The following KCMF1 variants were observed in gnomAD, a reference collection of about 807,000 sequenced individuals.
KCMF1 encodes E3 ubiquitin-protein ligase KCMF1.
Under a neutral mutation model 41.1 loss-of-function variants are expected in KCMF1, and 3 were observed. The observed-to-expected ratio is 0.07, with a 90% CI of 0.03 to 0.19. The LOEUF (loss-of-function observed/expected upper bound fraction) is 0.19. Ranked by LOEUF, KCMF1 falls within the 10% of genes least tolerant of loss-of-function variation. The pLI, the probability that KCMF1 is intolerant of heterozygous loss-of-function variation, is 1.00. For missense variants in KCMF1, 286 were observed against 488.9 expected, an observed-to-expected ratio of 0.58 and a Z score of 3.91; for synonymous variants, 142 against 164.5, an observed-to-expected ratio of 0.86 and a Z score of 1.04.
intron 1 of KCMF1, among the ~76,000 whole-genome samples, chr2:85,025,732 C>T (rs1036346799): frequency 6.6e-6 from 1 of 151,996 alleles, no homozygotes; most frequent in African/African-American, 2.4e-5. Flanking sequence ...CCTCAGCCAC[C>T]CGAGTAGCTG....
At chr2:85,024,603 T>TGC (rs1374122141) in intron 1 of KCMF1, among the ~76,000 whole-genome samples, 12 of 151,858 alleles carry the variant, frequency 7.9e-5, no homozygotes, top group African/African-American at 2.9e-4. Context: ...TGTGTGTGTG[T>TGC]GTGCGCGTGT....
At chr2:85,010,296 C>T (rs1329638059) in intron 1 of KCMF1, among the ~76,000 whole-genome samples, 1 of 152,092 alleles carries the variant, frequency 6.6e-6, no homozygotes, top group African/African-American at 2.4e-5. Flanking sequence ...TAGTGAAACC[C>T]CGTCTCTGCT....
Position 85,034,161 on chromosome 2 carries a change from C to T in KCMF1, c.185-855C>T, listed in dbSNP as rs1477853286. On this transcript the variant is annotated intron_variant, in intron 2 of 6. Coordinates refer to ENST00000409785, the MANE Select transcript of KCMF1 (RefSeq NM_020122.5). ...GTGAGCTGTGATCATCCAGCCTGTG[C>T]GACAGAGTAAGACCTTGTCTCAAAA... Among the ~76,000 whole-genome samples the T allele has an allele frequency of 7.2e-5, 11 of 151,998 alleles. No homozygotes were observed. In the East Asian group the frequency reaches 9.6e-4, roughly 13 times the overall value.
intron 1 of KCMF1, among the ~76,000 whole-genome samples, chr2:85,023,130 G>A (rs1466735952): frequency 3.3e-5 from 5 of 151,458 alleles, no homozygotes; most frequent in Non-Finnish European, 5.9e-5. Flanking sequence ...CTCATGAGCC[G>A]CCCGCCTCGG....
chr2:85,018,009 A>G (rs1301296959), intron 1 of KCMF1, among the ~76,000 whole-genome samples: 2 of 152,192 alleles, frequency 1.3e-5, no homozygotes, highest in Non-Finnish European at 2.9e-5. Flanking sequence ...GATAATATGA[A>G]TGTGTTCAGA....
At chr2:85,034,000 T>C (rs553294800) in intron 2 of KCMF1, among the ~76,000 whole-genome samples, 2 of 149,310 alleles carry the variant, frequency 1.3e-5, no homozygotes, top group Non-Finnish European at 3.0e-5. Flanking sequence ...CTAGGCAACA[T>C]GGTGGGACCC....
At chr2:85,032,325 C>T (rs919329080) in intron 2 of KCMF1, among the ~76,000 whole-genome samples, 6 of 151,902 alleles carry the variant, frequency 3.9e-5, no homozygotes, top group Non-Finnish European at 7.4e-5. Flanking sequence ...GCATGCACCA[C>T]GATGTCTGGC....
intron 1 of KCMF1, among the ~76,000 whole-genome samples, chr2:84,990,560 A>G (rs927432608): frequency 2.0e-5 from 3 of 152,074 alleles, no homozygotes; most frequent in Non-Finnish European, 4.4e-5. Flanking sequence ...TGTAATCTCA[A>G]TACTTTGGGA....
In KCMF1 at chr2:85,007,061, A is replaced by G. The variant is rs536672810; in HGVS notation, c.17-20828A>G. 3.1e-3 allele frequency among the ~76,000 whole-genome samples: 462 copies of G among 148,376 alleles called. 1 individual carries two copies. The highest frequency in any genetic ancestry group is 0.011 in the African/African-American group (424 of 39,990). On this transcript the variant is annotated intron_variant, in intron 1 of 6. Transcript: ENST00000409785. ...GGTTGCAGTGAGTCGAGATCGCACCACTGCACTCCAGCCTGGGCAACAAGA... is the reference window on the plus strand; with the variant it reads ...GGTTGCAGTGAGTCGAGATCGCACCGCTGCACTCCAGCCTGGGCAACAAGA...
chr2:85,026,352 G>A (rs768522792), intron 1 of KCMF1, among the ~76,000 whole-genome samples: 10 of 151,284 alleles, frequency 6.6e-5, no homozygotes, highest in Admixed American at 2.0e-4. Flanking sequence ...GCCTTGGCTG[G>A]TCTTGAACTC....
rs1673386488 is a variant in KCMF1 at position 84,971,338 on chromosome 2, C to T, written c.-114C>T. The T allele has an allele frequency of 1.8e-6, 1 of 545,712 alleles. No homozygotes were observed. The highest frequency in any genetic ancestry group is 2.4e-6 in the Non-Finnish European group (1 of 422,324). 33.8% of individuals were successfully genotyped at this position (545,712 alleles called of 1,614,324 possible). A position where few individuals can be genotyped will look rare whatever the true frequency, so the allele number is the denominator to read the frequency against. On this transcript the variant is annotated 5_prime_UTR_variant, in exon 1 of 7. Coordinates refer to ENST00000409785, the MANE Select transcript of KCMF1 (RefSeq NM_020122.5). ...CCCCTGCCCACCCCGCCCCCGCGGC[C>T]GAGCCCGGGAGTCGAGTGGGAGTCG...
chr2:84,981,760 A>C (rs186732330), intron 1 of KCMF1, among the ~76,000 whole-genome samples: 1 of 151,892 alleles, frequency 6.6e-6, no homozygotes, highest in Non-Finnish European at 1.5e-5. Context: ...CTTATTCTCC[A>C]GGCTTTTTGT....
intron 2 of KCMF1, among the ~76,000 whole-genome samples, chr2:85,030,541 C>T (rs115489749): frequency 0.01 from 1,583 of 152,146 alleles, 21 homozygotes; most frequent in African/African-American, 0.036. Context: ...CAACTTTATT[C>T]TTTTGCATGT....
At chr2:85,009,941 C>T (rs1674613526) in intron 1 of KCMF1, among the ~76,000 whole-genome samples, 1 of 152,164 alleles carries the variant, frequency 6.6e-6, no homozygotes, top group Admixed American at 6.6e-5. Flanking sequence ...GCTGCCAGTC[C>T]CAGACATTTT....
chr2:85,052,147 G>A (rs1675823751), intron 6 of KCMF1, among the ~76,000 whole-genome samples: 1 of 152,200 alleles, frequency 6.6e-6, no homozygotes. Context: ...TCGGCTCACT[G>A]CAACCACCGC....
intron 1 of KCMF1, among the ~76,000 whole-genome samples, chr2:85,006,800 C>T (rs1674482415): frequency 6.6e-6 from 1 of 151,688 alleles, no homozygotes; most frequent in African/African-American, 2.4e-5. Flanking sequence ...CACACATCCA[C>T]TACTCATATT....
intron 2 of KCMF1, among the ~76,000 whole-genome samples, chr2:85,031,501 G>A (rs116307507): frequency 0.011 from 1,669 of 152,042 alleles, 21 homozygotes; most frequent in African/African-American, 0.036. Flanking sequence ...TTTTCAGTGC[G>A]GTCTTCAATA....
intron 1 of KCMF1, among the ~76,000 whole-genome samples, chr2:84,982,384 A>ATTTTTTTTTTTT (rs1673783250): frequency 2.8e-5 from 1 of 35,880 alleles, no homozygotes; most frequent in African/African-American, 1.1e-4. Flanking sequence ...TGTGTTCCTT[A>ATTTTTTTTTTTT]TTTTCTTTTT....
At chr2:85,023,361 C>A (rs1481073995) in intron 1 of KCMF1, among the ~76,000 whole-genome samples, 2 of 150,298 alleles carry the variant, frequency 1.3e-5, no homozygotes, top group African/African-American at 4.9e-5. Context: ...CTTTCTCGCC[C>A]AGGCTGGAGT....
Sources: gnomAD v4.1 joint callset for allele counts (sites outside exome capture counted in the v4.1 genomes callset) on GRCh38, gnomAD v4.1.1 for gene constraint, MANE v1.5 for transcripts, NCBI Gene and HGNC (gene_info 2026-07-23, HGNC 2026-07-21) for gene names.